NCKAP5: variants seen among roughly 807,000 people sequenced by gnomAD.
NCKAP5 encodes the protein nck-associated protein 5.
A neutral mutation model predicts 167.0 loss-of-function variants in NCKAP5; 92 were observed. That is an observed-to-expected ratio of 0.55 (90% CI 0.47 to 0.66). NCKAP5 has a LOEUF of 0.66. Ranked by LOEUF, NCKAP5 falls within the 30% of genes least tolerant of loss-of-function variation. NCKAP5 has a pLI of 0.00. For missense variants in NCKAP5, 2,378 were observed against 2,315.0 expected (o/e 1.03, Z -0.56); for synonymous variants, 891 against 877.4 (o/e 1.02, Z -0.27).
chr2:133,251,609 T>C (rs2088339668), intron 4 of NCKAP5, among the ~76,000 whole-genome samples: 1 of 152,168 alleles, frequency 6.6e-6, no homozygotes, highest in Non-Finnish European at 1.5e-5. Flanking sequence ...TCTATCAAAC[T>C]GTAACCTAAA....
intron 5 of NCKAP5, among the ~76,000 whole-genome samples, chr2:133,170,747 T>C (rs1205678491): frequency 6.6e-6 from 1 of 152,216 alleles, no homozygotes; most frequent in East Asian, 1.9e-4. Context: ...TCCAAAGCCA[T>C]GGCTTCTTCT....
intron 16 of NCKAP5, among the ~76,000 whole-genome samples, chr2:132,764,578 G>A (rs548329211): frequency 2.0e-5 from 3 of 152,252 alleles, no homozygotes; most frequent in African/African-American, 7.2e-5. Flanking sequence ...ATTACTACAG[G>A]ATCTGAACCA....
intron 7 of NCKAP5, among the ~76,000 whole-genome samples, chr2:132,974,017 C>T (rs2076907848): frequency 1.3e-5 from 2 of 152,140 alleles, no homozygotes; most frequent in Non-Finnish European, 2.9e-5. Flanking sequence ...ACAAAGCATC[C>T]ATGTAGTAAC....
At chr2:132,796,859 A>T in intron 11 of NCKAP5, 130 bp from the exon 12 acceptor site, 1 of 638,940 alleles carries the variant, frequency 1.6e-6, no homozygotes, top group Non-Finnish European at 2.7e-6. Context: ...TAATTAAAAA[A>T]AGTTTATTCT....
chr2:133,406,007 C>T (rs1437441788), intron 3 of NCKAP5, among the ~76,000 whole-genome samples: 1 of 152,164 alleles, frequency 6.6e-6, no homozygotes, highest in Non-Finnish European at 1.5e-5. Flanking sequence ...CTGTATAATC[C>T]CCGAATTGAA....
chr2:132,822,501 G>A (rs1298919507), intron 11 of NCKAP5, among the ~76,000 whole-genome samples: 1 of 152,212 alleles, frequency 6.6e-6, no homozygotes, highest in East Asian at 1.9e-4. Context: ...ATTCCCAGGG[G>A]TAAGGGGAGA....
At chr2:133,007,859 G>C (rs2078020637) in intron 6 of NCKAP5, among the ~76,000 whole-genome samples, 1 of 152,186 alleles carries the variant, frequency 6.6e-6, no homozygotes, top group South Asian at 2.1e-4. Context: ...GGAGAATGTA[G>C]TATGGATTTT....
chr2:133,205,291 T>TTAGATAGATAGATAGATAGATAGATAGA (rs36008566), intron 5 of NCKAP5, among the ~76,000 whole-genome samples: 2 of 149,650 alleles, frequency 1.3e-5, no homozygotes, highest in Non-Finnish European at 1.5e-5. Context: ...GACTCTGAAA[T>TTAGATAGATAGATAGATAGATAGATAGA]TAGATAGATA....
intron 3 of NCKAP5, among the ~76,000 whole-genome samples, chr2:133,320,752 G>T (rs1214131400): frequency 1.3e-5 from 2 of 151,912 alleles, no homozygotes; most frequent in Non-Finnish European, 1.5e-5. Context: ...AAAAAGAAAA[G>T]AAAAAGGCCC....
chr2:133,021,425 G>C (rs1266509003), intron 6 of NCKAP5, among the ~76,000 whole-genome samples: 5 of 152,180 alleles, frequency 3.3e-5, no homozygotes, highest in Non-Finnish European at 5.9e-5. Flanking sequence ...TCCTGGGGCT[G>C]AATATATGTT....
intron 8 of NCKAP5, among the ~76,000 whole-genome samples, chr2:132,903,225 C>T (rs1233520907): frequency 6.6e-6 from 1 of 152,120 alleles, no homozygotes; most frequent in Non-Finnish European, 1.5e-5. Flanking sequence ...TTAATTTAAA[C>T]CAAAAATGCA....
At chr2:133,321,757 G>C (rs1682072431) in intron 3 of NCKAP5, among the ~76,000 whole-genome samples, 1 of 152,112 alleles carries the variant, frequency 6.6e-6, no homozygotes, top group Non-Finnish European at 1.5e-5. Flanking sequence ...TCTTGCTAAA[G>C]CTCAAGCTCA....
At position 133,038,052 on chromosome 2, in the gene NCKAP5, G is replaced by A. The variant is rs572658977; in HGVS notation, c.342-43813C>T. Among the ~76,000 whole-genome samples the A allele has an allele frequency of 2.7e-4, 41 of 152,244 alleles. No homozygotes were observed. The Middle Eastern group carries it at 0.014, about 51-fold the overall frequency. ...ATTAGTACAACCACTAAGGAGAATA[G>A]TTTAGAGATGCCTCAAAAAAACTAA... On this transcript the variant is annotated intron_variant, in intron 6 of 19. Coordinates refer to ENST00000409261, the MANE Select transcript of NCKAP5 (RefSeq NM_207363.3).
chr2:133,638,612 C>T, the NCKAP5 span, among the ~76,000 whole-genome samples: 3 of 152,116 alleles, frequency 2.0e-5, no homozygotes, highest in Non-Finnish European at 2.9e-5. Context: ...ATAATCCCAG[C>T]GCTTTAGGAG....
At chr2:132,753,407 T>C (rs1362150269) in intron 16 of NCKAP5, among the ~76,000 whole-genome samples, 9 of 152,204 alleles carry the variant, frequency 5.9e-5, no homozygotes, top group Non-Finnish European at 2.9e-5. Context: ...ATGTTTCTGA[T>C]GTAAACTCCT....
At chr2:133,490,969 T>A (rs1039636965) in intron 3 of NCKAP5, among the ~76,000 whole-genome samples, 1 of 152,222 alleles carries the variant, frequency 6.6e-6, no homozygotes, top group African/African-American at 2.4e-5. Flanking sequence ...GCCTGCTTAC[T>A]TTTCCAAAAG....
intron 3 of NCKAP5, among the ~76,000 whole-genome samples, chr2:133,490,138 G>A (rs1470775565): frequency 6.6e-6 from 1 of 152,166 alleles, no homozygotes; most frequent in Non-Finnish European, 1.5e-5. Flanking sequence ...ATATCCAAAT[G>A]AGGAGTACTC....
chr2:133,115,657 A>G (rs941076086), intron 6 of NCKAP5, among the ~76,000 whole-genome samples: 2 of 151,326 alleles, frequency 1.3e-5, no homozygotes, highest in African/African-American at 4.8e-5. Context: ...ACTTCTTAAG[A>G]CTTACATCAT....
the NCKAP5 span, among the ~76,000 whole-genome samples, chr2:133,600,629 C>G: frequency 2.6e-5 from 4 of 152,224 alleles, no homozygotes; most frequent in African/African-American, 9.6e-5. Context: ...TGGCACCCTT[C>G]TTGATGTGTG....
Sources: gnomAD v4.1 joint callset for allele counts (sites outside exome capture counted in the v4.1 genomes callset) on GRCh38, gnomAD v4.1.1 for gene constraint, MANE v1.5 for transcripts, NCBI Gene and HGNC (gene_info 2026-07-23, HGNC 2026-07-21) for gene names.